Variants in TRAK1 observed in about 807,000 individuals in gnomAD.
TRAK1 encodes trafficking kinesin protein 1, also known as trafficking kinesin-binding protein 1.
TRAK1 carries 33 observed loss-of-function variants against 92.1 expected under a neutral mutation model. The ratio of observed to expected loss-of-function variants is 0.36; its 90% confidence interval spans 0.27 to 0.48. The LOEUF (loss-of-function observed/expected upper bound fraction) is 0.48, where lower values mean the gene tolerates loss of function less well. Ranked by LOEUF, TRAK1 falls within the 20% of genes least tolerant of loss-of-function variation. The pLI, the probability that TRAK1 is intolerant of heterozygous loss-of-function variation, is 0.99. For synonymous variants in TRAK1, 521 were observed against 517.3 expected (o/e 1.01, Z -0.10); for missense variants, 1,123 against 1,257.9 (o/e 0.89, Z 1.62).
At chr3:42,082,666 AAC>A (rs1044585414), upstream of TRAK1, among the ~76,000 whole-genome samples, 1 of 152,066 alleles carries the variant, frequency 6.6e-6, no homozygotes, top group Non-Finnish European at 1.5e-5. Flanking sequence ...TAAAAAAAAA[AAC>A]ACAAAAAACC....
At chr3:42,152,440 C>T (rs1279974655) in intron 2 of TRAK1, among the ~76,000 whole-genome samples, 2 of 152,266 alleles carry the variant, frequency 1.3e-5, no homozygotes, top group East Asian at 1.9e-4. Flanking sequence ...TGGATGCATC[C>T]CATCTCTGGT....
intron 1 of TRAK1, among the ~76,000 whole-genome samples, chr3:42,116,671 A>G (rs570355685): frequency 6.6e-6 from 1 of 152,264 alleles, no homozygotes; most frequent in South Asian, 2.1e-4. Context: ...TGCCATGGGT[A>G]ATGTGTCATG....
intron 14 of TRAK1, among the ~76,000 whole-genome samples, chr3:42,216,463 G>A (rs754605633): frequency 1.7e-4 from 26 of 152,184 alleles, no homozygotes; most frequent in Non-Finnish European, 2.9e-4. Flanking sequence ...AGAGAGAGCA[G>A]GTGAGGTCTC....
intron 1 of TRAK1, among the ~76,000 whole-genome samples, chr3:42,021,954 T>C (rs1041393592): frequency 8.5e-5 from 13 of 152,222 alleles, no homozygotes; most frequent in Non-Finnish European, 1.6e-4. Context: ...GCCATAATTA[T>C]TGTTTTTACT....
Position 42,122,343 on chromosome 3 carries a change from CT to C in TRAK1, c.92-3063del, listed in dbSNP as rs1220191558. 2.4e-3 allele frequency among the ~76,000 whole-genome samples: 345 copies of C among 143,120 alleles called. 1 individual carries two copies. Among genetic ancestry groups the C allele is most frequent in the Middle Eastern group, 3.6e-3 (1 of 274 alleles). The allele number at this position is 143,120 out of a possible 152,430, so 93.9% of individuals were successfully genotyped here. On this transcript the variant is annotated intron_variant, in intron 1 of 15. Coordinates refer to ENST00000327628, the MANE Select transcript of TRAK1 (RefSeq NM_001042646.3). ...TTATTCTGAGATTTCTTAGAAGGGA[CT>C]TTTTTTTTTTTTTCTGGAGTCTGTT...
chr3:42,213,054 ATTTT>A (rs34073573), intron 14 of TRAK1, among the ~76,000 whole-genome samples: 7 of 113,070 alleles, frequency 6.2e-5, no homozygotes, highest in East Asian at 5.3e-4. Context: ...TGGAGCTGAG[ATTTT>A]TTTTTTTTTT....
At chr3:42,123,944 A>C (rs1301814443) in intron 1 of TRAK1, among the ~76,000 whole-genome samples, 4 of 152,060 alleles carry the variant, frequency 2.6e-5, no homozygotes, top group Admixed American at 2.0e-4. Context: ...GGAGTTCGAG[A>C]CCCACCTGGG....
At chr3:42,023,710 T>A (rs993828075) in intron 1 of TRAK1, among the ~76,000 whole-genome samples, 12 of 151,194 alleles carry the variant, frequency 7.9e-5, no homozygotes, top group African/African-American at 2.7e-4. Context: ...GAGGGTCTTG[T>A]TTTGAATGTG....
chr3:42,091,433 C>A lies in TRAK1; in HGVS notation c.-37C>A. 1 of 1,597,354 alleles carries A rather than the reference C, an allele frequency of 6.3e-7. No individual in the cohort carries two copies. On this transcript the variant is annotated 5_prime_UTR_variant, in exon 1 of 16. In the 5' UTR this introduces an upstream ATG that the reference lacks. Transcript: ENST00000327628. ...GGCTGAGCTCTCATGGAGGCTCTCT[C>A]TGTTCTCTGAAGTGCCTTTGGAGTT...
intron 1 of TRAK1, among the ~76,000 whole-genome samples, chr3:42,109,964 G>A (rs948693608): frequency 4.6e-5 from 7 of 151,624 alleles, no homozygotes; most frequent in East Asian, 1.9e-4. Flanking sequence ...GGGTAGGGGT[G>A]GCGGGGGGGA....
At chr3:42,173,861 C>T (rs1702865024) in intron 2 of TRAK1, among the ~76,000 whole-genome samples, 1 of 152,098 alleles carries the variant, frequency 6.6e-6, no homozygotes, top group South Asian at 2.1e-4. Context: ...GATAGGGGCA[C>T]CATCGGTGTT....
At chr3:42,203,178 C>T in intron 13 of TRAK1, 1 of 1,166,596 alleles carries the variant, frequency 8.6e-7, no homozygotes, top group Non-Finnish European at 1.1e-6. Flanking sequence ...GGAGAGGTTC[C>T]AAGCAAACTC....
At chr3:42,083,301 A>G (rs1325674402), upstream of TRAK1, among the ~76,000 whole-genome samples, 1 of 152,100 alleles carries the variant, frequency 6.6e-6, no homozygotes, top group Non-Finnish European at 1.5e-5. Flanking sequence ...CTTTTGGGCT[A>G]TCTGCTTTAG....
intron 2 of TRAK1, among the ~76,000 whole-genome samples, chr3:42,166,547 A>C (rs1701894801): frequency 6.6e-6 from 1 of 152,218 alleles, no homozygotes; most frequent in South Asian, 2.1e-4. Context: ...AATGAGGCTC[A>C]TATGTATGTT....
intron 11 of TRAK1, among the ~76,000 whole-genome samples, chr3:42,199,699 C>T (rs1274237761): frequency 2.6e-5 from 4 of 152,198 alleles, no homozygotes; most frequent in Admixed American, 2.6e-4. Context: ...TTCAAGTGAT[C>T]GTCCTGCCTT....
intron 1 of TRAK1, among the ~76,000 whole-genome samples, chr3:42,120,399 A>C (rs1425428529): frequency 6.6e-6 from 1 of 151,866 alleles, no homozygotes; most frequent in Non-Finnish European, 1.5e-5. Context: ...CACAGAGAGC[A>C]TAAAGGGTTC....
chr3:42,182,209 C>T (rs1011428938), intron 3 of TRAK1, among the ~76,000 whole-genome samples: 6 of 152,070 alleles, frequency 3.9e-5, no homozygotes, highest in Admixed American at 3.3e-4. Context: ...GTGAGAGGGC[C>T]GTCTCCACAT....
intron 7 of TRAK1, among the ~76,000 whole-genome samples, chr3:42,192,346 C>T (rs970515724): frequency 1.3e-5 from 2 of 152,102 alleles, no homozygotes; most frequent in Non-Finnish European, 2.9e-5. Flanking sequence ...TATTTCTCTC[C>T]TCCTCTTCAT....
At chr3:42,052,128 C>T (rs1703008006) in intron 1 of TRAK1, among the ~76,000 whole-genome samples, 1 of 152,226 alleles carries the variant, frequency 6.6e-6, no homozygotes, top group African/African-American at 2.4e-5. Flanking sequence ...GAAGCACCAC[C>T]TGGGCGGGTC....
Sources: gnomAD v4.1 joint callset for allele counts (sites outside exome capture counted in the v4.1 genomes callset) on GRCh38, gnomAD v4.1.1 for gene constraint, MANE v1.5 for transcripts, NCBI Gene and HGNC (gene_info 2026-07-23, HGNC 2026-07-21) for gene names.